Variants in KSR2 observed in about 807,000 individuals in gnomAD.
KSR2 encodes kinase suppressor of ras 2.
Under a neutral mutation model 107.8 loss-of-function variants are expected in KSR2, and 25 were observed. That is an observed-to-expected ratio of 0.23 (90% CI 0.17 to 0.32). KSR2 has a LOEUF of 0.32. Among genes scored for constraint, KSR2 ranks in the 10% least tolerant of loss-of-function variants. KSR2 has a pLI of 1.00. For missense variants in KSR2, 887 were observed against 1,268.9 expected (o/e 0.70, Z 4.57); for synonymous variants, 480 against 507.0 (o/e 0.95, Z 0.71).
chr12:117,690,717 C>G (rs1033077215), intron 4 of KSR2, among the ~76,000 whole-genome samples: 44 of 152,222 alleles, frequency 2.9e-4, no homozygotes, highest in African/African-American at 9.9e-4. Flanking sequence ...ATGTCTTGAA[C>G]TAACTGCTGC....
At chr12:117,743,815 T>A (rs1565992012) in intron 4 of KSR2, among the ~76,000 whole-genome samples, 1 of 152,186 alleles carries the variant, frequency 6.6e-6, no homozygotes. Context: ...TCACCAGGCA[T>A]CTTAAACAAT....
intron 10 of KSR2, among the ~76,000 whole-genome samples, chr12:117,535,438 T>G (rs942689487): frequency 6.6e-6 from 1 of 152,010 alleles, no homozygotes; most frequent in African/African-American, 2.4e-5. Context: ...GTGATGAGCA[T>G]AAAAGAGGCA....
chr12:117,504,800 T>C (rs1022146713), intron 14 of KSR2, among the ~76,000 whole-genome samples: 25 of 152,212 alleles, frequency 1.6e-4, no homozygotes, highest in African/African-American at 5.5e-4. Flanking sequence ...AAGTGGTTTT[T>C]GGTTGCATGT....
At chr12:117,771,243 A>C (rs560929078) in intron 3 of KSR2, among the ~76,000 whole-genome samples, 36 of 152,326 alleles carry the variant, frequency 2.4e-4, no homozygotes, top group South Asian at 4.1e-4. Context: ...AGATAAATGC[A>C]TATCTAATTG....
chr12:117,699,692 G>A (rs1375102789), intron 4 of KSR2, among the ~76,000 whole-genome samples: 1 of 152,174 alleles, frequency 6.6e-6, no homozygotes, highest in African/African-American at 2.4e-5. Flanking sequence ...TGCTCTGGGT[G>A]AGTCAGTGAG....
intron 3 of KSR2, among the ~76,000 whole-genome samples, chr12:117,784,266 C>A (rs182850221): frequency 6.6e-6 from 1 of 152,262 alleles, no homozygotes; most frequent in East Asian, 1.9e-4. Flanking sequence ...TTCCCCCATA[C>A]TGTGTCTCAT....
chr12:117,864,427 T>C (rs914947023), intron 1 of KSR2, among the ~76,000 whole-genome samples: 10 of 152,178 alleles, frequency 6.6e-5, no homozygotes, highest in South Asian at 4.1e-4. Context: ...TGTATATGTA[T>C]ACATACATGC....
At position 117,456,360 on chromosome 12, in the gene KSR2, T is replaced by G. The variant is rs1284579712; in HGVS notation, c.*10839A>C. ...GCAGGGCAAGTACCTTAGAGTACCTTGATGCCCATGCTGTAGCTACATAGC... is the reference window on the plus strand; with the variant it reads ...GCAGGGCAAGTACCTTAGAGTACCTGGATGCCCATGCTGTAGCTACATAGC... On this transcript the variant is annotated 3_prime_UTR_variant, in exon 20 of 20. Coordinates refer to ENST00000339824, the MANE Select transcript of KSR2 (RefSeq NM_173598.6). The G allele has an allele frequency of 1.3e-5, 2 of 152,186 alleles. No homozygotes were observed. Among genetic ancestry groups the G allele is most frequent in the African/African-American group, 4.8e-5 (2 of 41,450 alleles). The allele number at this position is 152,186 out of a possible 1,614,324, so 9.4% of individuals were successfully genotyped here.
chr12:117,819,606 T>C (rs746765907), intron 3 of KSR2, among the ~76,000 whole-genome samples: 1 of 151,758 alleles, frequency 6.6e-6, no homozygotes, highest in Non-Finnish European at 1.5e-5. Context: ...AGTTAAGCTG[T>C]CAAAAAAAAT....
chr12:117,884,481 A>T (rs1229726464), intron 1 of KSR2, among the ~76,000 whole-genome samples: 1 of 152,166 alleles, frequency 6.6e-6, no homozygotes, highest in Admixed American at 6.5e-5. Context: ...GGAAATTTCT[A>T]AAGTTCTCTT....
chr12:117,691,245 C>T (rs1247791770), intron 4 of KSR2, among the ~76,000 whole-genome samples: 2 of 152,146 alleles, frequency 1.3e-5, no homozygotes, highest in African/African-American at 2.4e-5. Context: ...TCCAGGGTAA[C>T]GGGCATCCCA....
At chr12:117,891,355 A>G (rs1448761792) in intron 1 of KSR2, among the ~76,000 whole-genome samples, 1 of 151,790 alleles carries the variant, frequency 6.6e-6, no homozygotes, top group Non-Finnish European at 1.5e-5. Flanking sequence ...GGCAGAGGTT[A>G]CAGTGAGCCA....
chr12:117,521,303 G>A (rs1009914634), intron 14 of KSR2, among the ~76,000 whole-genome samples: 2 of 152,240 alleles, frequency 1.3e-5, no homozygotes, highest in Non-Finnish European at 2.9e-5. Context: ...TACTGTCAGA[G>A]TTGGCAGGAC....
intron 5 of KSR2, among the ~76,000 whole-genome samples, chr12:117,590,376 C>A (rs1880248833): frequency 6.6e-6 from 1 of 152,178 alleles, no homozygotes; most frequent in Non-Finnish European, 1.5e-5. Flanking sequence ...ACACCTGTGA[C>A]AAACACCAGC....
At chr12:117,550,731 C>T (rs374862848) in intron 9 of KSR2, among the ~76,000 whole-genome samples, 3 of 152,126 alleles carry the variant, frequency 2.0e-5, no homozygotes, top group Non-Finnish European at 2.9e-5. Context: ...GAAAGAAAGA[C>T]AAAAGTAGAA....
intron 3 of KSR2, among the ~76,000 whole-genome samples, chr12:117,786,887 G>GGCGT (rs1386735364): frequency 6.6e-6 from 1 of 152,082 alleles, no homozygotes; most frequent in Non-Finnish European, 1.5e-5. Flanking sequence ...AAATTGGCCA[G>GGCGT]GCGTGGTGTT....
At chr12:117,794,689 G>A (rs1890554533) in intron 3 of KSR2, among the ~76,000 whole-genome samples, 1 of 143,636 alleles carries the variant, frequency 7.0e-6, no homozygotes, top group South Asian at 2.3e-4. Flanking sequence ...ATACCAACAG[G>A]CACACACACA....
intron 7 of KSR2, among the ~76,000 whole-genome samples, chr12:117,578,861 G>A (rs1189096550): frequency 6.6e-6 from 1 of 152,132 alleles, no homozygotes; most frequent in Non-Finnish European, 1.5e-5. Flanking sequence ...TTATGAAAAC[G>A]AGAAGTATCA....
chr12:117,967,991 G>C (rs552380859), intron 1 of KSR2, 85 bp downstream of exon 1: 2 of 1,245,040 alleles, frequency 1.6e-6, no homozygotes, highest in Admixed American at 4.2e-5. Context: ...CAGAGGGAAA[G>C]GGGACCGTGG....
Sources: gnomAD v4.1 joint callset for allele counts (sites outside exome capture counted in the v4.1 genomes callset) on GRCh38, gnomAD v4.1.1 for gene constraint, MANE v1.5 for transcripts, NCBI Gene and HGNC (gene_info 2026-07-23, HGNC 2026-07-21) for gene names.